PSMG4: variants seen among roughly 807,000 people sequenced by gnomAD.
PSMG4 encodes the protein proteasome (prosome, macropain) assembly chaperone 4.
A neutral mutation model predicts 11.0 loss-of-function variants in PSMG4; 10 were observed. The observed-to-expected ratio is 0.91, with a 90% CI of 0.56 to 1.54. PSMG4 has a LOEUF of 1.54. Ranked by LOEUF, PSMG4 falls within the 40% of genes most tolerant of loss-of-function variation. The pLI is 0.00. For synonymous variants in PSMG4, 95 were observed against 71.3 expected, an observed-to-expected ratio of 1.33 and a Z score of -1.68; for missense variants, 198 against 160.9, an observed-to-expected ratio of 1.23 and a Z score of -1.25.
At chr6:3,261,803 C>T (rs957037521) in intron 1 of PSMG4, among the ~76,000 whole-genome samples, 1 of 152,186 alleles carries the variant, frequency 6.6e-6, no homozygotes, top group Non-Finnish European at 1.5e-5. Context: ...CTCCATCTAC[C>T]GTCCATGCAG....
rs967253318 is a variant in PSMG4 at position 3,267,876 on chromosome 6, C to T, written c.*164C>T. On this transcript the variant is annotated 3_prime_UTR_variant, in exon 3 of 3. Transcript: ENST00000438998. ...GTGTGGGCCAAAAGGCTCATACTGACCCACCTGGTGAAGGAGAGGCAAAGT... is the reference window on the plus strand; with the variant it reads ...GTGTGGGCCAAAAGGCTCATACTGATCCACCTGGTGAAGGAGAGGCAAAGT... 5.9e-5 allele frequency: 38 copies of T among 647,400 alleles called. No homozygotes were observed. Among genetic ancestry groups the T allele is most frequent in the Non-Finnish European group, 4.1e-5 (16 of 392,772 alleles). The allele number at this position is 647,400 out of a possible 1,614,324, so 40.1% of individuals were successfully genotyped here. A position where few individuals can be genotyped will look rare whatever the true frequency, so the allele number is the denominator to read the frequency against.
intron 1 of PSMG4, among the ~76,000 whole-genome samples, chr6:3,260,275 T>TTATATATATATATATA (rs1261021278): frequency 1.4e-5 from 1 of 69,090 alleles, no homozygotes; most frequent in African/African-American, 6.2e-5. Flanking sequence ...TTGTCTTAAA[T>TTATATATATATATATA]TGTATATATA....
intron 2 of PSMG4, chr6:3,264,400 C>G: frequency 6.7e-7 from 1 of 1,503,270 alleles, no homozygotes; most frequent in Admixed American, 2.1e-5. Context: ...CTGTCTCCTG[C>G]CCAGGCCTGG....
At chr6:3,265,694 C>G (rs1265220165) in intron 2 of PSMG4, 2 of 152,192 alleles carry the variant, frequency 1.3e-5, no homozygotes, top group African/African-American at 4.8e-5. Flanking sequence ...CCCAGCCTGC[C>G]TAACACAGCT....
chr6:3,260,721 C>T (rs1463049578), intron 1 of PSMG4, among the ~76,000 whole-genome samples: 1 of 151,972 alleles, frequency 6.6e-6, no homozygotes, highest in Non-Finnish European at 1.5e-5. Flanking sequence ...GTTAGGACTT[C>T]AACATATTTT....
At chr6:3,255,036 T>A (rs1208006757), upstream of PSMG4, 7 of 1,549,868 alleles carry the variant, frequency 4.5e-6, no homozygotes, top group Non-Finnish European at 4.4e-6. Context: ...TGGCGCTTTC[T>A]GATTCTCTGG....
Position 3,263,855 on chromosome 6 carries a change from A to G in PSMG4, c.250+96A>G, listed in dbSNP as rs1388208616. 3 of 1,498,480 alleles carry G rather than the reference A, an allele frequency of 2.0e-6. No individual in the cohort carries two copies. In the African/African-American group the frequency reaches 4.2e-5, roughly 21 times the overall value. 92.8% of individuals were successfully genotyped at this position (1,498,480 alleles called of 1,614,324 possible). On this transcript the variant is annotated intron_variant, in intron 2 of 2. Coordinates refer to ENST00000438998, the MANE Select transcript of PSMG4 (RefSeq NM_001128591.2). ...GTCCCTTCGGAAGTAAAGCATCTTTATGCTAAGAACCATCACCTCATTGCT... is the reference window on the plus strand; with the variant it reads ...GTCCCTTCGGAAGTAAAGCATCTTTGTGCTAAGAACCATCACCTCATTGCT...
At chr6:3,261,354 TTC>T (rs958506977) in intron 1 of PSMG4, among the ~76,000 whole-genome samples, 3 of 152,112 alleles carry the variant, frequency 2.0e-5, no homozygotes, top group Non-Finnish European at 1.5e-5. Context: ...CCACCTCGCA[TTC>T]TCTCTTTATC....
Position 3,259,065 on chromosome 6 carries a change from C to A in PSMG4, c.43C>A (p.His15Asn). The A allele has an allele frequency of 7.9e-7, 1 of 1,267,142 alleles. No homozygotes were observed. Among genetic ancestry groups the A allele is most frequent in the South Asian group, 3.0e-5 (1 of 32,936 alleles). 78.5% of individuals were successfully genotyped at this position (1,267,142 alleles called of 1,614,324 possible). ...CGCCGCCGGCGGGGACGTCTCCCTGCACAACTTCAGCGCGAGGCTGTGGGA... is the reference window on the plus strand; with the variant it reads ...CGCCGCCGGCGGGGACGTCTCCCTGAACAACTTCAGCGCGAGGCTGTGGGA... ...VVAAGGDVSL[H>N]NFSARLWEQL... Residue 15 changes from histidine to asparagine, a missense_variant, in exon 1 of 3, where the codon CAC (histidine) becomes AAC (asparagine). Physicochemically the swap from His to Asn is moderately conservative, Grantham distance 68. Transcript: ENST00000438998.
At chr6:3,266,767 A>C (rs1016768146) in intron 2 of PSMG4, 1 of 152,100 alleles carries the variant, frequency 6.6e-6, no homozygotes, top group Non-Finnish European at 1.5e-5. Context: ...GTATACACAT[A>C]TATGCAAATG....
chr6:3,257,157 A>G (rs1343919379), upstream of PSMG4, among the ~76,000 whole-genome samples: 6 of 152,220 alleles, frequency 3.9e-5, no homozygotes, highest in Non-Finnish European at 7.4e-5. Flanking sequence ...GCATAACATC[A>G]GAAGCAAGGG....
intron 2 of PSMG4, chr6:3,264,143 AG>A: frequency 6.5e-7 from 1 of 1,542,980 alleles, no homozygotes; most frequent in Non-Finnish European, 8.8e-7. Context: ...GAGTCAGTGC[AG>A]CTGGTGGAGC....
At chr6:3,256,664 G>C (rs1399758343), upstream of PSMG4, among the ~76,000 whole-genome samples, 2 of 152,222 alleles carry the variant, frequency 1.3e-5, no homozygotes, top group Non-Finnish European at 2.9e-5. Flanking sequence ...TCTTTTGATA[G>C]TGTAAGGTGA....
intron 1 of PSMG4, among the ~76,000 whole-genome samples, chr6:3,260,291 A>ATATATT: frequency 5.4e-4 from 38 of 70,862 alleles, no homozygotes; most frequent in African/African-American, 2.0e-3. Flanking sequence ...ATATATATAT[A>ATATATT]TTTTTTTTTT....
chr6:3,255,035 C>T (rs1461742662), upstream of PSMG4: 20 of 1,549,752 alleles, frequency 1.3e-5, no homozygotes, highest in South Asian at 3.6e-5. Context: ...ATGGCGCTTT[C>T]TGATTCTCTG....
chr6:3,254,605 G>A (rs902000230), upstream of PSMG4, among the ~76,000 whole-genome samples: 3 of 152,182 alleles, frequency 2.0e-5, no homozygotes, highest in Non-Finnish European at 4.4e-5. Context: ...AATAATTCCA[G>A]TAGGCGTAGC....
chr6:3,254,991 A>G, upstream of PSMG4: 2 of 1,522,098 alleles, frequency 1.3e-6, no homozygotes, highest in Non-Finnish European at 1.8e-6. Flanking sequence ...GATCCCATGG[A>G]CCTAGCGCAC....
chr6:3,257,581 G>A (rs1757808667), upstream of PSMG4, among the ~76,000 whole-genome samples: 1 of 152,096 alleles, frequency 6.6e-6, no homozygotes, highest in Non-Finnish European at 1.5e-5. Flanking sequence ...AAAGACACAA[G>A]CCATTGACAC....
At chr6:3,261,287 C>T (rs1757981299) in intron 1 of PSMG4, among the ~76,000 whole-genome samples, 5 of 152,206 alleles carry the variant, frequency 3.3e-5, no homozygotes, top group Middle Eastern at 3.4e-3. Flanking sequence ...TTTGAGCAGG[C>T]GGCAGCGGAA....
Sources: gnomAD v4.1 joint callset for allele counts (sites outside exome capture counted in the v4.1 genomes callset) on GRCh38, gnomAD v4.1.1 for gene constraint, MANE v1.5 for transcripts, NCBI Gene and HGNC (gene_info 2026-07-23, HGNC 2026-07-21) for gene names.